The following ATP11A variants were observed in gnomAD, a reference collection of about 807,000 sequenced individuals.
ATP11A encodes phospholipid-transporting ATPase IH.
Under a neutral mutation model 154.4 loss-of-function variants are expected in ATP11A, and 81 were observed. The observed-to-expected ratio is 0.52, with a 90% CI of 0.44 to 0.63. The LOEUF is 0.63. Among genes scored for constraint, ATP11A ranks in the 30% least tolerant of loss-of-function variants. ATP11A has a pLI of 0.00. For synonymous variants in ATP11A, 623 were observed against 585.9 expected, an observed-to-expected ratio of 1.06 and a Z score of -0.91; for missense variants, 1,316 against 1,474.3, an observed-to-expected ratio of 0.89 and a Z score of 1.76.
chr13:112,793,190 G>A (rs549936104), intron 2 of ATP11A, among the ~76,000 whole-genome samples: 40 of 152,036 alleles, frequency 2.6e-4, no homozygotes, highest in South Asian at 8.3e-4. Context: ...ACTTCCTTCC[G>A]CAGAGCCAGG....
intron 1 of ATP11A, among the ~76,000 whole-genome samples, chr13:112,723,913 C>T (rs865784992): frequency 8.5e-5 from 13 of 152,244 alleles, no homozygotes; most frequent in Middle Eastern, 3.4e-3. Context: ...TTCCCGGGAA[C>T]GCTCGTGTCA....
At position 112,719,344 on chromosome 13, in the gene ATP11A, C is replaced by T. The variant is rs1047861819; in HGVS notation, c.39+28889C>T. On this transcript the variant is annotated intron_variant, in intron 1 of 29. Coordinates refer to ENST00000375645, the MANE Select transcript of ATP11A (RefSeq NM_015205.3). ...GCCTTGCATGCCTTTGTTATATTCTCACGTAATCTTCAATCTTCTGTTCAT... is the reference window on the plus strand; with the variant it reads ...GCCTTGCATGCCTTTGTTATATTCTTACGTAATCTTCAATCTTCTGTTCAT... 5.3e-5 allele frequency among the ~76,000 whole-genome samples: 8 copies of T among 152,194 alleles called. 1 individual carries two copies. The highest frequency in any genetic ancestry group is 1.3e-4 in the Admixed American group (2 of 15,276).
chr13:112,780,323 CAGA>C (rs2140003059), intron 1 of ATP11A, among the ~76,000 whole-genome samples: 1 of 152,278 alleles, frequency 6.6e-6, no homozygotes, highest in South Asian at 2.1e-4. Context: ...CCCTCCAACC[CAGA>C]AGGTTTTCAC....
chr13:112,793,002 C>G (rs949047912), intron 2 of ATP11A, among the ~76,000 whole-genome samples: 7 of 152,204 alleles, frequency 4.6e-5, no homozygotes, highest in Admixed American at 2.0e-4. Context: ...TTCATGACTT[C>G]TATTTGTATA....
chr13:112,831,990 A>C (rs767797369), intron 13 of ATP11A, among the ~76,000 whole-genome samples: 2 of 151,770 alleles, frequency 1.3e-5, no homozygotes, highest in Non-Finnish European at 2.9e-5. Flanking sequence ...CCGTGTGCAC[A>C]CACAGACACA....
chr13:112,832,260 T>C (rs746645789), intron 13 of ATP11A, among the ~76,000 whole-genome samples: 2 of 152,192 alleles, frequency 1.3e-5, no homozygotes, highest in Non-Finnish European at 2.9e-5. Context: ...CAGGGCAGCC[T>C]CGGGGATCAG....
At chr13:112,846,194 C>T (rs923607130) in intron 17 of ATP11A, among the ~76,000 whole-genome samples, 1 of 152,116 alleles carries the variant, frequency 6.6e-6, no homozygotes, top group East Asian at 1.9e-4. Context: ...GGATCTGCGG[C>T]GTTTCATCAA....
chr13:112,836,976 C>T (rs1243418095), intron 16 of ATP11A, among the ~76,000 whole-genome samples: 1 of 152,250 alleles, frequency 6.6e-6, no homozygotes, highest in African/African-American at 2.4e-5. Context: ...CCCCCAAGCA[C>T]AGGTGGACGA....
At chr13:112,774,346 G>C (rs2077295853) in intron 1 of ATP11A, among the ~76,000 whole-genome samples, 1 of 152,208 alleles carries the variant, frequency 6.6e-6, no homozygotes, top group Admixed American at 6.5e-5. Context: ...GCAGAAATTA[G>C]AAGAGGGTGG....
chr13:112,828,251 G>A (rs1377805969), intron 12 of ATP11A, among the ~76,000 whole-genome samples: 3 of 147,052 alleles, frequency 2.0e-5, no homozygotes, highest in African/African-American at 7.6e-5. Context: ...TAGCAGTATG[G>A]AGTGGGAGGA....
intron 15 of ATP11A, among the ~76,000 whole-genome samples, chr13:112,835,874 C>T (rs1400011819): frequency 1.3e-5 from 2 of 152,232 alleles, no homozygotes; most frequent in South Asian, 2.1e-4. Context: ...GGAGTCGGTG[C>T]GTAGGGAACG....
chr13:112,828,904 G>A (rs2079018661), intron 12 of ATP11A, among the ~76,000 whole-genome samples: 1 of 152,206 alleles, frequency 6.6e-6, no homozygotes, highest in Admixed American at 6.5e-5. Context: ...TCTTTTGTAT[G>A]TGAAATAGAT....
chr13:112,719,334 G>A (rs1888883313), intron 1 of ATP11A, among the ~76,000 whole-genome samples: 1 of 152,222 alleles, frequency 6.6e-6, no homozygotes. Flanking sequence ...GCATGCCTTT[G>A]TTATATTCTC....
chr13:112,701,026 C>G (rs550954080), intron 1 of ATP11A, among the ~76,000 whole-genome samples: 1 of 152,196 alleles, frequency 6.6e-6, no homozygotes, highest in African/African-American at 2.4e-5. Flanking sequence ...AGGGATCAGC[C>G]GACCCCAGGT....
At chr13:112,748,393 T>A (rs1201340636) in intron 1 of ATP11A, among the ~76,000 whole-genome samples, 2 of 152,046 alleles carry the variant, frequency 1.3e-5, no homozygotes, top group Non-Finnish European at 2.9e-5. Context: ...TGAGATGGGA[T>A]CTTGCTCTGT....
intron 1 of ATP11A, among the ~76,000 whole-genome samples, chr13:112,755,777 C>T (rs985755566): frequency 6.8e-6 from 1 of 146,934 alleles, no homozygotes; most frequent in Non-Finnish European, 1.5e-5. Context: ...GAACCATTTC[C>T]GGTCACGGAA....
chr13:112,882,800 C>A lies in ATP11A; in HGVS notation c.*934C>A, dbSNP rs1050254579. The A allele has an allele frequency of 1.8e-5, 7 of 399,152 alleles. No homozygotes were observed. Among genetic ancestry groups the A allele is most frequent in the Middle Eastern group, 6.2e-4 (1 of 1,612 alleles). The allele number at this position is 399,152 out of a possible 1,614,324, so 24.7% of individuals were successfully genotyped here. A position where few individuals can be genotyped will look rare whatever the true frequency, so the allele number is the denominator to read the frequency against. ...ATGTTGATTTCGCGGGTGCGAGGGC[C>A]GGGAGACAGATACTTGGCTGTGATG... On this transcript the variant is annotated 3_prime_UTR_variant, in exon 30 of 30. Transcript: ENST00000375645. This position sits in a 1 kb window ranked among gnomAD's most constrained non-coding sequence, Gnocchi z 5.1.
chr13:112,723,540 G>C, intron 1 of ATP11A, among the ~76,000 whole-genome samples: 1 of 150,662 alleles, frequency 6.6e-6, no homozygotes, highest in Non-Finnish European at 1.5e-5. Flanking sequence ...CCCAAGTGCT[G>C]GGATTACAGG....
chr13:112,771,630 T>C (rs2139947636), intron 1 of ATP11A, among the ~76,000 whole-genome samples: 1 of 152,368 alleles, frequency 6.6e-6, no homozygotes, highest in East Asian at 1.9e-4. Context: ...CAGGTCCACA[T>C]GCACTTGTGT....
Sources: allele counts gnomAD v4.1 joint callset (sites outside exome capture counted in the v4.1 genomes callset), GRCh38; gene constraint gnomAD v4.1.1; non-coding constraint Gnocchi (gnomAD v3.1); transcripts MANE v1.5; gene names NCBI Gene and HGNC (gene_info 2026-07-23, HGNC 2026-07-21).